Variants in DGKI observed in about 807,000 individuals in gnomAD.
DGKI encodes the protein diacylglycerol kinase iota.
Under a neutral mutation model 147.5 loss-of-function variants are expected in DGKI, and 55 were observed. That is an observed-to-expected ratio of 0.37 (90% CI 0.30 to 0.47). The LOEUF (loss-of-function observed/expected upper bound fraction) is 0.47, where lower values mean the gene tolerates loss of function less well. Among genes scored for constraint, DGKI ranks in the 20% least tolerant of loss-of-function variants. The pLI is 1.00. For synonymous variants in DGKI, 469 were observed against 477.1 expected (o/e 0.98, Z 0.22); for missense variants, 1,007 against 1,323.8 (o/e 0.76, Z 3.71).
At chr7:137,743,571 ATTAT>A (rs1795240279) in intron 1 of DGKI, among the ~76,000 whole-genome samples, 1 of 152,360 alleles carries the variant, frequency 6.6e-6, no homozygotes, top group East Asian at 1.9e-4. Flanking sequence ...AAATCAAAAA[ATTAT>A]TTGAAACAAA....
At chr7:137,506,565 CA>C (rs1197742391) in intron 21 of DGKI, among the ~76,000 whole-genome samples, 1 of 152,054 alleles carries the variant, frequency 6.6e-6, no homozygotes, top group African/African-American at 2.4e-5. Flanking sequence ...AATTATATGG[CA>C]AAAGAGTGAA....
intron 14 of DGKI, among the ~76,000 whole-genome samples, chr7:137,582,414 T>C (rs1330061436): frequency 2.7e-5 from 4 of 149,016 alleles, no homozygotes; most frequent in Non-Finnish European, 5.9e-5. Flanking sequence ...ATCACCCATT[T>C]TCTCTCTCTC....
At chr7:137,828,146 T>G (rs976581066) in intron 1 of DGKI, among the ~76,000 whole-genome samples, 2 of 152,224 alleles carry the variant, frequency 1.3e-5, no homozygotes, top group Non-Finnish European at 1.5e-5. Flanking sequence ...TAACAGAGAC[T>G]CTTATTTCTC....
intron 8 of DGKI, among the ~76,000 whole-genome samples, chr7:137,612,774 C>CATCTCTATTATATCTCTATTATAT (rs1820409399): frequency 6.6e-6 from 1 of 152,046 alleles, no homozygotes; most frequent in South Asian, 2.1e-4. Flanking sequence ...CAAAACAAAT[C>CATCTCTATTATATCTCTATTATAT]ATCTCTATTA....
chr7:137,676,535 A>C (rs995899807), intron 3 of DGKI, among the ~76,000 whole-genome samples: 22 of 152,198 alleles, frequency 1.4e-4, no homozygotes, highest in African/African-American at 4.3e-4. Context: ...TACAGCAGTT[A>C]GGTCTTCAGC....
chr7:137,679,082 A>G (rs1386424300), intron 2 of DGKI, among the ~76,000 whole-genome samples: 1 of 152,258 alleles, frequency 6.6e-6, no homozygotes, highest in Non-Finnish European at 1.5e-5. Context: ...GGATGGTAGC[A>G]TTAAAGTATT....
rs115650672 is a variant in DGKI at position 137,714,501 on chromosome 7, G to A, written c.402-24499C>T. 9.5e-3 allele frequency among the ~76,000 whole-genome samples: 1,440 copies of A among 152,236 alleles called. 28 individuals are homozygous for A. Among genetic ancestry groups the A allele is most frequent in the African/African-American group, 0.033 (1,389 of 41,544 alleles). ...TAGCAGAGAAAGAGATATGGAAGTGGAGAAGGGCAAGAGAAGCAGGAGTAG... is the reference window on the plus strand; with the variant it reads ...TAGCAGAGAAAGAGATATGGAAGTGAAGAAGGGCAAGAGAAGCAGGAGTAG... On this transcript the variant is annotated intron_variant, in intron 1 of 32. Coordinates refer to ENST00000614521, the MANE Select transcript of DGKI (RefSeq NM_001321708.2).
rs1563040452 is a variant in DGKI at position 137,472,390 on chromosome 7, T to TATA, written c.2374-2772_2374-2771insTAT. On this transcript the variant is annotated intron_variant, in intron 23 of 32. Transcript: ENST00000614521. Reference sequence around the variant, plus strand: ...TATAATTATTATATGTATATATACATATTATAATTATTATATGTATATATA... The same window carrying TATA: ...TATAATTATTATATGTATATATACATATAATTATAATTATTATATGTATATATA... 1.3e-3 allele frequency among the ~76,000 whole-genome samples: 13 copies of TATA among 10,036 alleles called. 1 individual carries two copies. The highest frequency in any genetic ancestry group is 0.01 in the South Asian group (4 of 384). The allele number at this position is 10,036 out of a possible 152,430, so 6.6% of individuals were successfully genotyped here.
chr7:137,787,189 A>G (rs566788090), intron 1 of DGKI, among the ~76,000 whole-genome samples: 3 of 152,306 alleles, frequency 2.0e-5, no homozygotes, highest in African/African-American at 7.2e-5. Context: ...CAGACAACCC[A>G]CAGAGTGGTA....
chr7:137,609,027 A>T lies in DGKI; in HGVS notation c.1106T>A (p.Ile369Asn). ...CAAGGGTTTCATGAGAGGAGAAGAG[A>T]TGGGTTTTATCACAAAAGGACGACC... ...NKGRPFVIKP[I>N]SSPLMKPLLV... Residue 369 changes from isoleucine (I) to asparagine (N), a missense_variant, in exon 10 of 33, where the codon ATC becomes AAC. By Grantham distance (149) the Ile-to-Asn change is moderately radical. Coordinates refer to ENST00000614521, the MANE Select transcript of DGKI (RefSeq NM_001321708.2). The T allele has an allele frequency of 6.2e-7, 1 of 1,613,712 alleles. No individual in the cohort carries two copies. The highest frequency in any genetic ancestry group is 8.5e-7 in the Non-Finnish European group (1 of 1,179,728).
chr7:137,585,187 G>A (rs1343729727), intron 14 of DGKI, 22 bp downstream of exon 14: 3 of 1,613,614 alleles, frequency 1.9e-6, no homozygotes, highest in East Asian at 2.2e-5. Flanking sequence ...GCTCCTTTCT[G>A]CAGAACAAAA....
intron 30 of DGKI, among the ~76,000 whole-genome samples, chr7:137,398,519 A>G (rs1160792973): frequency 6.6e-6 from 1 of 152,206 alleles, no homozygotes; most frequent in Non-Finnish European, 1.5e-5. Flanking sequence ...TTGTCTTTAG[A>G]AAGACGATCC....
chr7:137,835,865 T>G (rs1198693717), intron 1 of DGKI, among the ~76,000 whole-genome samples: 2 of 152,194 alleles, frequency 1.3e-5, no homozygotes, highest in African/African-American at 4.8e-5. Context: ...GTATGAGACT[T>G]CAGATCCGAA....
intron 32 of DGKI, among the ~76,000 whole-genome samples, chr7:137,391,575 A>G (rs80056869): frequency 1.5e-3 from 222 of 152,334 alleles, no homozygotes; most frequent in African/African-American, 5.1e-3. Context: ...TGAAAGGGAA[A>G]GAGTTTATCA....
At chr7:137,626,897 A>G (rs1417923523) in intron 6 of DGKI, among the ~76,000 whole-genome samples, 2 of 152,080 alleles carry the variant, frequency 1.3e-5, no homozygotes, top group African/African-American at 4.8e-5. Context: ...CTCCCATTCA[A>G]AATACTTGAA....
intron 6 of DGKI, among the ~76,000 whole-genome samples, chr7:137,627,174 G>T (rs1273824268): frequency 6.6e-6 from 1 of 151,970 alleles, no homozygotes; most frequent in East Asian, 1.9e-4. Flanking sequence ...TCTAAATTTT[G>T]CTTCCACTAA....
intron 28 of DGKI, among the ~76,000 whole-genome samples, chr7:137,414,189 G>A (rs1812273070): frequency 1.3e-5 from 2 of 152,088 alleles, no homozygotes; most frequent in African/African-American, 4.8e-5. Context: ...AGATGCAAAG[G>A]ACCATAAGAA....
In DGKI at chr7:137,543,151, A is replaced by G; in HGVS notation, c.2147+9218T>C. 1.3e-5 allele frequency among the ~76,000 whole-genome samples: 2 copies of G among 152,204 alleles called. 1 individual carries two copies. The highest frequency in any genetic ancestry group is 2.9e-5 in the Non-Finnish European group (2 of 68,024). On this transcript the variant is annotated intron_variant, in intron 20 of 32. Coordinates refer to ENST00000614521, the MANE Select transcript of DGKI (RefSeq NM_001321708.2). ...GGCATTAGCTGAATAGGAGTTGGCA[A>G]TTACAGCATTTACCATGACTAGTCA... is the stretch of plus-strand genomic sequence containing the variant.
intron 21 of DGKI, among the ~76,000 whole-genome samples, chr7:137,511,035 G>C (rs1816562447): frequency 6.6e-6 from 1 of 152,208 alleles, no homozygotes; most frequent in Non-Finnish European, 1.5e-5. Context: ...TTTTCCACCA[G>C]TGTGAACTAG....
Sources: gnomAD v4.1 joint callset for allele counts (sites outside exome capture counted in the v4.1 genomes callset) on GRCh38, gnomAD v4.1.1 for gene constraint, MANE v1.5 for transcripts, NCBI Gene and HGNC (gene_info 2026-07-23, HGNC 2026-07-21) for gene names.